Variants in KLHL1 observed in about 807,000 individuals in gnomAD.
The protein encoded by KLHL1 is kelch like family member 1.
A neutral mutation model predicts 77.7 loss-of-function variants in KLHL1; 47 were observed. The ratio of observed to expected loss-of-function variants is 0.60; its 90% CI spans 0.48 to 0.77. The LOEUF (loss-of-function observed/expected upper bound fraction) is 0.77, where lower values mean the gene tolerates loss of function less well. Among genes scored for constraint, KLHL1 ranks in the 30% least tolerant of loss-of-function variants. KLHL1 has a pLI of 0.00. For missense variants in KLHL1, 925 were observed against 910.8 expected (o/e 1.02, Z -0.20); for synonymous variants, 360 against 325.2 (o/e 1.11, Z -1.15).
intron 7 of KLHL1, among the ~76,000 whole-genome samples, chr13:69,785,402 A>C (rs1221401314): frequency 7.2e-5 from 11 of 152,190 alleles, no homozygotes; most frequent in Non-Finnish European, 1.6e-4. Context: ...CTCCTCAATG[A>C]CTACTGGGTA....
intron 5 of KLHL1, among the ~76,000 whole-genome samples, chr13:69,872,661 C>T (rs1033720303): frequency 6.6e-6 from 1 of 152,180 alleles, no homozygotes; most frequent in African/African-American, 2.4e-5. Flanking sequence ...TCCCAGTGGC[C>T]TCCTTACTTG....
intron 1 of KLHL1, among the ~76,000 whole-genome samples, chr13:70,027,217 T>C (rs1885971145): frequency 6.6e-6 from 1 of 152,120 alleles, no homozygotes; most frequent in Admixed American, 6.6e-5. Flanking sequence ...AGTAGATAAA[T>C]AGAATTAATT....
In KLHL1 at chr13:70,011,320, A is replaced by G. The variant is rs60565370; in HGVS notation, c.498-35518T>C. Among the ~76,000 whole-genome samples the G allele has an allele frequency of 3.8e-3, 574 of 152,310 alleles. 5 individuals are homozygous for G. The highest frequency in any genetic ancestry group is 0.013 in the African/African-American group (543 of 41,576). ...AAGCATGACCATGAAACCTGTCAAC[A>G]CAGATATTATAAATTATACAAAATA... On this transcript the variant is annotated intron_variant, in intron 1 of 10. Transcript: ENST00000377844.
rs550209157 is a variant in KLHL1 at position 69,961,497 on chromosome 13, C to G, written c.681-53G>C. ...GTCGTGAATGTAAGGCAGAAAATCACTGTGTCAACCAGAATGCAACACAGA... is the reference window on the plus strand; with the variant it reads ...GTCGTGAATGTAAGGCAGAAAATCAGTGTGTCAACCAGAATGCAACACAGA... On this transcript the variant is annotated intron_variant, in intron 2 of 10. Coordinates refer to ENST00000377844, the MANE Select transcript of KLHL1 (RefSeq NM_020866.3). 1.3e-5 allele frequency: 20 copies of G among 1,595,746 alleles called. No homozygotes were observed. In the South Asian group the frequency reaches 2.2e-4, roughly 18 times the overall value.
At chr13:69,759,863 C>A (rs1874938557) in intron 7 of KLHL1, among the ~76,000 whole-genome samples, 2 of 152,102 alleles carry the variant, frequency 1.3e-5, no homozygotes, top group African/African-American at 4.8e-5. Context: ...ACAAGATTGC[C>A]AGGCAAAGCA....
rs143086206 is a variant in KLHL1 at position 69,849,682 on chromosome 13, C to T, written c.1228-10520G>A. Reference sequence around the variant, plus strand: ...TGAACAGTTACCATATATGTAGTCACTTAAAGGCTTAAAAATATGCTAAAT... The same window carrying T: ...TGAACAGTTACCATATATGTAGTCATTTAAAGGCTTAAAAATATGCTAAAT... On this transcript the variant is annotated intron_variant, in intron 5 of 10. Transcript: ENST00000377844. 4.0e-3 allele frequency among the ~76,000 whole-genome samples: 600 copies of T among 149,490 alleles called. 4 individuals are homozygous for T. Among genetic ancestry groups the T allele is most frequent in the African/African-American group, 0.013 (545 of 40,986 alleles).
At chr13:69,921,545 A>G (rs1375485832) in intron 4 of KLHL1, among the ~76,000 whole-genome samples, 4 of 152,166 alleles carry the variant, frequency 2.6e-5, no homozygotes, top group African/African-American at 9.7e-5. Context: ...TATTTAATAA[A>G]ACGTGGCCAT....
intron 6 of KLHL1, among the ~76,000 whole-genome samples, chr13:69,837,612 C>CTA (rs1461260561): frequency 1.1e-4 from 16 of 139,922 alleles, no homozygotes; most frequent in African/African-American, 3.9e-4. Context: ...ACATCTCTCT[C>CTA]TCTATATATA....
intron 4 of KLHL1, among the ~76,000 whole-genome samples, chr13:69,885,615 T>C (rs1881186894): frequency 6.6e-6 from 1 of 152,190 alleles, no homozygotes; most frequent in Non-Finnish European, 1.5e-5. Context: ...GTTTCTTACA[T>C]TGCTTGCATA....
At position 69,996,319 on chromosome 13, in the gene KLHL1, A is replaced by T. The variant is rs909191956; in HGVS notation, c.498-20517T>A. On this transcript the variant is annotated intron_variant, in intron 1 of 10. Coordinates refer to ENST00000377844, the MANE Select transcript of KLHL1 (RefSeq NM_020866.3). ...TCCGTTTAAAAAAAATAAAATAAAA[A>T]AATTTAAAAAAGCCTTGAAATATTA... 9.9e-5 allele frequency among the ~76,000 whole-genome samples: 15 copies of T among 152,184 alleles called. 1 individual carries two copies. The highest frequency in any genetic ancestry group is 1.5e-4 in the Non-Finnish European group (10 of 67,994).
chr13:70,102,142 A>G (rs889687137), intron 1 of KLHL1, among the ~76,000 whole-genome samples: 2 of 152,122 alleles, frequency 1.3e-5, no homozygotes, highest in Middle Eastern at 3.2e-3. Flanking sequence ...ACTGAGGCAG[A>G]GATGATTATT....
At chr13:69,714,029 C>A (rs969422507) in intron 9 of KLHL1, among the ~76,000 whole-genome samples, 4 of 152,060 alleles carry the variant, frequency 2.6e-5, no homozygotes, top group African/African-American at 9.7e-5. Flanking sequence ...AATGTGTAGT[C>A]TTTTTTGATA....
intron 4 of KLHL1, among the ~76,000 whole-genome samples, chr13:69,935,204 T>C (rs561539908): frequency 2.7e-5 from 1 of 37,428 alleles, no homozygotes; most frequent in South Asian, 9.3e-4. Context: ...GGTACATAGT[T>C]GGTACTGGTG....
In KLHL1 at chr13:70,057,700, C is replaced by T. The variant is rs1187415893; in HGVS notation, c.497+49503G>A. On this transcript the variant is annotated intron_variant, in intron 1 of 10. Transcript: ENST00000377844. ...CTGAGGCAGGAGAATGGCGTGAACC[C>T]GGGAAGCGGAGCTTGCAGTGAGCCG... Among the ~76,000 whole-genome samples, 5 of 132,122 alleles carry T rather than the reference C, an allele frequency of 3.8e-5. No homozygotes were observed. In the East Asian group the frequency reaches 7.5e-4, roughly 20 times the overall value. The allele number at this position is 132,122 out of a possible 152,430, so 86.7% of individuals were successfully genotyped here.
In KLHL1 at chr13:70,063,721, T is replaced by A. The variant is rs1056512391; in HGVS notation, c.497+43482A>T. On this transcript the variant is annotated intron_variant, in intron 1 of 10. Coordinates refer to ENST00000377844, the MANE Select transcript of KLHL1 (RefSeq NM_020866.3). ...TATTGAATTTATTCTAATATTTTTT[T>A]AAAAAATGCATTTTAAAATGTTTAG... Among the ~76,000 whole-genome samples the A allele has an allele frequency of 1.3e-4, 20 of 152,196 alleles. 1 individual carries two copies. The highest frequency in any genetic ancestry group is 6.5e-4 in the Admixed American group (10 of 15,284).
chr13:69,842,723 G>C (rs968394958), intron 5 of KLHL1, among the ~76,000 whole-genome samples: 2 of 151,724 alleles, frequency 1.3e-5, no homozygotes, highest in Non-Finnish European at 3.0e-5. Context: ...TATATCAAAG[G>C]ATACTTGCAT....
intron 1 of KLHL1, 43 bp from the exon 2 acceptor site, chr13:69,975,845 G>T (rs751719747): frequency 1.1e-4 from 161 of 1,485,574 alleles, no homozygotes; most frequent in Non-Finnish European, 1.3e-4. Context: ...AAATAATAAA[G>T]GGATTTATAA....
intron 6 of KLHL1, among the ~76,000 whole-genome samples, chr13:69,819,703 A>G (rs1250181549): frequency 6.6e-6 from 1 of 152,132 alleles, no homozygotes; most frequent in East Asian, 1.9e-4. Context: ...AGGACCGATC[A>G]CTGCTACTGT....
At chr13:69,982,295 G>C (rs1164455329) in intron 1 of KLHL1, among the ~76,000 whole-genome samples, 1 of 151,590 alleles carries the variant, frequency 6.6e-6, no homozygotes, top group Non-Finnish European at 1.5e-5. Flanking sequence ...AATTAGCCAG[G>C]CATGGTGGTG....
Sources: allele counts gnomAD v4.1 joint callset (sites outside exome capture counted in the v4.1 genomes callset), GRCh38; gene constraint gnomAD v4.1.1; transcripts MANE v1.5; gene names NCBI Gene and HGNC (gene_info 2026-07-23, HGNC 2026-07-21).